MBOAT2: variants seen among roughly 807,000 people sequenced by gnomAD.
The protein encoded by MBOAT2 is membrane-bound glycerophospholipid O-acyltransferase 2.
In MBOAT2, 28 loss-of-function variants were observed where a neutral mutation model predicts 63.4. The observed-to-expected ratio is 0.44, with a 90% CI of 0.33 to 0.61. The LOEUF (loss-of-function observed/expected upper bound fraction) is 0.61, where lower values mean the gene tolerates loss of function less well. MBOAT2 is among the 20% of genes least tolerant of loss of function. MBOAT2 has a pLI of 0.03. For synonymous variants in MBOAT2, 211 were observed against 215.6 expected, an observed-to-expected ratio of 0.98 and a Z score of 0.19; for missense variants, 470 against 605.8, an observed-to-expected ratio of 0.78 and a Z score of 2.35.
At position 8,924,125 on chromosome 2, in the gene MBOAT2, AT is replaced by A. The variant is rs1325410165; in HGVS notation, c.300-15410del. On this transcript the variant is annotated intron_variant, in intron 3 of 12. Transcript: ENST00000305997. ...CTATATTTGCTACTTGAATAGAAGAATTTTTTTAAACCACCTGCTTTATCAG... is the reference window on the plus strand; with the variant it reads ...CTATATTTGCTACTTGAATAGAAGAATTTTTTAAACCACCTGCTTTATCAG... Among the ~76,000 whole-genome samples the A allele has an allele frequency of 7.9e-5, 12 of 152,248 alleles. No individual in the cohort carries two copies. In the South Asian group the frequency reaches 1.9e-3, roughly 24 times the overall value.
chr2:8,949,448 T>C (rs971803745), intron 2 of MBOAT2, among the ~76,000 whole-genome samples: 2 of 152,152 alleles, frequency 1.3e-5, no homozygotes, highest in South Asian at 2.1e-4. Flanking sequence ...TTGCTTTTTT[T>C]TTTTTCAGGG....
At chr2:8,863,766 T>C (rs927642250) in intron 10 of MBOAT2, among the ~76,000 whole-genome samples, 1 of 152,226 alleles carries the variant, frequency 6.6e-6, no homozygotes, top group Non-Finnish European at 1.5e-5. Context: ...AATAAAGATT[T>C]GTTGAATTGA....
chr2:8,991,194 A>G (rs1671899119), intron 1 of MBOAT2, among the ~76,000 whole-genome samples: 1 of 152,150 alleles, frequency 6.6e-6, no homozygotes. Context: ...AAATCAATAT[A>G]CACTTTCTAG....
chr2:8,959,960 A>G (rs1000114615), intron 1 of MBOAT2, among the ~76,000 whole-genome samples: 4 of 152,250 alleles, frequency 2.6e-5, no homozygotes, highest in Non-Finnish European at 5.9e-5. Flanking sequence ...CCATAGACCC[A>G]TAGAAATATC....
At chr2:8,967,321 A>T (rs1454442860) in intron 1 of MBOAT2, among the ~76,000 whole-genome samples, 1 of 152,206 alleles carries the variant, frequency 6.6e-6, no homozygotes, top group African/African-American at 2.4e-5. Context: ...ATTAAACCTT[A>T]TGTATTATTA....
At chr2:8,899,048 C>G (rs1206111774) in intron 4 of MBOAT2, among the ~76,000 whole-genome samples, 1 of 152,168 alleles carries the variant, frequency 6.6e-6, no homozygotes, top group Non-Finnish European at 1.5e-5. Flanking sequence ...CCTTTATGAG[C>G]TCCAGGTCTT....
At chr2:8,941,116 T>C (rs1668021573) in intron 3 of MBOAT2, among the ~76,000 whole-genome samples, 1 of 152,040 alleles carries the variant, frequency 6.6e-6, no homozygotes, top group Non-Finnish European at 1.5e-5. Context: ...AAAAGTAAAG[T>C]CATAGAAAAA....
intron 1 of MBOAT2, 58 bp from the exon 2 acceptor site, chr2:8,958,700 TG>T: frequency 7.1e-7 from 1 of 1,407,290 alleles, no homozygotes; most frequent in African/African-American, 1.5e-5. Context: ...TTTCATATCA[TG>T]TTACATTGAA....
chr2:8,937,235 T>G (rs1304346157), intron 3 of MBOAT2, among the ~76,000 whole-genome samples: 3 of 152,180 alleles, frequency 2.0e-5, no homozygotes, highest in African/African-American at 4.8e-5. Flanking sequence ...TGGATCCCAG[T>G]GTTCTAAATG....
intron 9 of MBOAT2, among the ~76,000 whole-genome samples, chr2:8,865,016 C>T (rs748406456): frequency 1.4e-4 from 22 of 152,198 alleles, no homozygotes; most frequent in Non-Finnish European, 2.9e-4. Flanking sequence ...ACACCGTCCA[C>T]TTTCCCCACT....
chr2:8,960,154 T>A (rs907637664), intron 1 of MBOAT2, among the ~76,000 whole-genome samples: 27 of 152,376 alleles, frequency 1.8e-4, no homozygotes, highest in Non-Finnish European at 2.9e-4. Flanking sequence ...GCATTTTTTT[T>A]AATTAAGCAA....
At chr2:8,873,878 C>T (rs554151099) in intron 7 of MBOAT2, among the ~76,000 whole-genome samples, 1 of 152,260 alleles carries the variant, frequency 6.6e-6, no homozygotes, top group South Asian at 2.1e-4. Context: ...CTATTCTTAG[C>T]AATAGTGCGG....
chr2:8,859,960 G>A (rs2148504615), intron 12 of MBOAT2, among the ~76,000 whole-genome samples: 1 of 152,274 alleles, frequency 6.6e-6, no homozygotes, highest in Admixed American at 6.5e-5. Context: ...CAAGGCGGGT[G>A]GATCACGAGG....
intron 4 of MBOAT2, among the ~76,000 whole-genome samples, chr2:8,892,443 CATTT>C (rs1161575631): frequency 1.3e-5 from 2 of 151,836 alleles, no homozygotes; most frequent in South Asian, 2.1e-4. Flanking sequence ...TCCATTCATT[CATTT>C]ACTTACTGCT....
chr2:8,929,334 A>G (rs1008142822), intron 3 of MBOAT2, among the ~76,000 whole-genome samples: 28 of 103,764 alleles, frequency 2.7e-4, no homozygotes, highest in African/African-American at 3.6e-4. Context: ...TTATTTGTTC[A>G]TTCATTCATT....
rs1022283357 is a variant in MBOAT2, at chr2:8,957,023, T to C, written c.221+1474A>G. On this transcript the variant is annotated intron_variant, in intron 2 of 12. Transcript: ENST00000305997. ...AGCCCTTCCCAATGCATTATGAAAATATGCTACACAAATATATACTGAATA... is the reference window on the plus strand; with the variant it reads ...AGCCCTTCCCAATGCATTATGAAAACATGCTACACAAATATATACTGAATA... 1.2e-4 allele frequency among the ~76,000 whole-genome samples: 18 copies of C among 152,158 alleles called. 1 individual carries two copies. Among genetic ancestry groups the C allele is most frequent in the Admixed American group, 6.5e-5 (1 of 15,278 alleles).
intron 2 of MBOAT2, among the ~76,000 whole-genome samples, chr2:8,953,303 G>GT (rs1327520471): frequency 1.3e-5 from 2 of 152,188 alleles, no homozygotes; most frequent in East Asian, 3.9e-4. Context: ...GTCCTGGCTT[G>GT]TAAGGTTAGC....
intron 6 of MBOAT2, among the ~76,000 whole-genome samples, chr2:8,878,486 T>C (rs1335607763): frequency 6.6e-6 from 1 of 152,118 alleles, no homozygotes; most frequent in Non-Finnish European, 1.5e-5. Context: ...AACACTCTTG[T>C]GGACAAGAGA....
At chr2:8,902,203 C>T (rs866171101) in intron 4 of MBOAT2, among the ~76,000 whole-genome samples, 7 of 152,292 alleles carry the variant, frequency 4.6e-5, no homozygotes, top group East Asian at 3.9e-4. Flanking sequence ...GTCCAGCGGC[C>T]GTGCTAGTCG....
Sources: allele counts gnomAD v4.1 joint callset (sites outside exome capture counted in the v4.1 genomes callset), GRCh38; gene constraint gnomAD v4.1.1; transcripts MANE v1.5; gene names NCBI Gene and HGNC (gene_info 2026-07-23, HGNC 2026-07-21).